Variants in KMT2D observed in about 807,000 individuals in gnomAD.
KMT2D encodes histone-lysine N-methyltransferase 2D.
KMT2D carries 55 observed loss-of-function variants against 512.7 expected under a neutral mutation model. That is an observed-to-expected ratio of 0.11 (90% CI 0.09 to 0.13). The LOEUF is 0.13. Ranked by LOEUF, KMT2D falls within the 10% of genes least tolerant of loss-of-function variation. The pLI is 1.00. For missense variants in KMT2D, 6,061 were observed against 7,127.9 expected, an observed-to-expected ratio of 0.85 and a Z score of 5.39; for synonymous variants, 2,995 against 2,904.0, an observed-to-expected ratio of 1.03 and a Z score of -1.01.
At chr12:49,028,753 T>C in intron 46 of KMT2D, 75 bp downstream of exon 46, 1 of 1,580,860 alleles carries the variant, frequency 6.3e-7, no homozygotes, top group Non-Finnish European at 8.6e-7. Flanking sequence ...ACTACATTTT[T>C]CCTTATCCAG....
rs2120490145 is a variant in KMT2D at position 49,038,078 on chromosome 12, G to A, written c.9278C>T (p.Pro3093Leu). 6.2e-7 allele frequency: 1 copy of A among 1,613,592 alleles called. No homozygotes were observed. Among genetic ancestry groups the A allele is most frequent in the Non-Finnish European group, 8.5e-7 (1 of 1,179,800 alleles). The change falls in exon 35 of 55, where the codon CCC (proline) becomes CTC (leucine). Residue 3093 changes from proline to leucine, a missense_variant. Physicochemically the swap from Pro to Leu is moderately conservative, Grantham distance 98. Around this residue, in one of 16 missense-constraint regions of KMT2D, gnomAD observed 533 missense variants for 539.6 expected, o/e 0.99. Transcript: ENST00000301067. This position sits in a 1 kb window ranked among gnomAD's most constrained non-coding sequence, Gnocchi z 5.7. ...GGGAGGGCGCTCCTCAGGGCCCAAG[G>A]GTCCTGGCTCCACCCCCCGCAGCAG... ...EALLRGVEPG[P>L]LGPEERPPPA...
At position 49,050,651 on chromosome 12, in the gene KMT2D, C is replaced by T. The variant is rs1937910716; in HGVS notation, c.2937G>A (p.Glu979=). The T allele has an allele frequency of 3.7e-6, 6 of 1,613,310 alleles. No individual in the cohort carries two copies. In the South Asian group the frequency reaches 6.6e-5, roughly 18 times the overall value. The stretch of plus-strand genomic sequence containing the variant: ...CTTCTGGTGGAGGGCTGATGGGTGT[C>T]TCCAGGATGGGGGCAGCCAACGGTG... ...PESPLAAPIL[E]TPISPPPEAN... Residue 979 remains glutamate, a synonymous_variant, in exon 12 of 55, where the codon GAG becomes GAA. Coordinates refer to ENST00000301067, the MANE Select transcript of KMT2D (RefSeq NM_003482.4).
In KMT2D at chr12:49,038,850, G is replaced by A. The variant is rs1346754879; in HGVS notation, c.8506C>T (p.Arg2836Cys). ...TCAGGTCCAGGAGTTGATGGAAAGC[G>A]AGCTGACATGGCAAATCGCATGGAG... is the stretch of plus-strand genomic sequence containing the variant. ...ATSMRFAMSA[R>C]FPSTPGPELG... The change falls in exon 35 of 55, where the codon CGC (arginine) becomes TGC (cysteine). Residue 2836 changes from arginine (R) to cysteine (C), a missense_variant. Physicochemically the swap from Arg to Cys is radical, Grantham distance 180. Transcript: ENST00000301067. This position sits in a 1 kb window ranked among gnomAD's most constrained non-coding sequence, Gnocchi z 5.7. 14 of 1,553,508 alleles carry A rather than the reference G, an allele frequency of 9.0e-6. No homozygotes were observed. Among genetic ancestry groups the A allele is most frequent in the South Asian group, 2.4e-5 (2 of 84,280 alleles).
chr12:49,043,208 C>T (rs2120565072), intron 25 of KMT2D, 22 bp from the exon 26 acceptor site: 1 of 1,607,364 alleles, frequency 6.2e-7, no homozygotes, highest in South Asian at 1.1e-5. Context: ...AGGAGAAACC[C>T]ATGGGTCAAG....
rs1210729756 is a variant in KMT2D, at chr12:49,049,682, C to T, written c.3906G>A (p.Gln1302=). 6.3e-7 allele frequency: 1 copy of T among 1,577,024 alleles called. No individual in the cohort carries two copies. The highest frequency in any genetic ancestry group is 1.7e-5 in the Admixed American group (1 of 57,920). Residue 1302 remains glutamine (Q), a splice_region_variant and synonymous_variant, in exon 12 of 55, where the codon CAG becomes CAA. Coordinates refer to ENST00000301067, the MANE Select transcript of KMT2D (RefSeq NM_003482.4). ...ATCCCGCAGCTAGATAGCCCCTCAC[C>T]TGTTTGATGCGGGAACGGGCTGGGG... The part of the protein sequence containing the change: ...RSSPARSRIK[Q]GRSSSFPGRR...
At position 49,049,237 on chromosome 12, in the gene KMT2D, C is replaced by A. The variant is rs1344909018; in HGVS notation, c.3907-19G>T. ...TGCGACCCTGAGTGAAAGAAGGGGA[C>A]AATGACAGGAGCATGTCAAGGGCTA... On this transcript the variant is annotated intron_variant, in intron 12 of 54. Transcript: ENST00000301067. 2.0e-6 allele frequency: 3 copies of A among 1,498,320 alleles called. No homozygotes were observed. Among genetic ancestry groups the A allele is most frequent in the Non-Finnish European group, 2.8e-6 (3 of 1,088,764 alleles). 92.8% of individuals were successfully genotyped at this position (1,498,320 alleles called of 1,614,324 possible). A position where few individuals can be genotyped will look rare whatever the true frequency, so the allele number is the denominator to read the frequency against.
chr12:49,030,176 C>G (rs940129564), intron 43 of KMT2D, 104 bp downstream of exon 43: 1 of 991,108 alleles, frequency 1.0e-6, no homozygotes, highest in Non-Finnish European at 1.5e-6. Context: ...TGTAAACACA[C>G]AGGACAGCAG....
rs3837452 is a variant in KMT2D at position 49,027,458 on chromosome 12, C to CT, written c.14644-137dup. On this transcript the variant is annotated intron_variant, in intron 48 of 54. Coordinates refer to ENST00000301067, the MANE Select transcript of KMT2D (RefSeq NM_003482.4). ...GACAGCCTCTTTTTTCTTTTCTTTT[C>CT]TTTTTTTTTTGAGACACAGTCTTGC... is the stretch of plus-strand genomic sequence containing the variant. 5,289 of 661,832 alleles carry CT rather than the reference C, an allele frequency of 8.0e-3. 3 individuals carry two copies. The highest frequency in any genetic ancestry group is 0.013 in the East Asian group (407 of 30,978). The allele number at this position is 661,832 out of a possible 1,614,324, so 41.0% of individuals were successfully genotyped here.
In KMT2D at chr12:49,053,613, C is replaced by T. The variant is rs1394584489; in HGVS notation, c.702G>A (p.Gly234=). 6.3e-7 allele frequency: 1 copy of T among 1,597,466 alleles called. No homozygotes were observed. Among genetic ancestry groups the T allele is most frequent in the Non-Finnish European group, 8.5e-7 (1 of 1,172,436 alleles). ...LEEARCAVCE[G]PGELCDLFFC... is the part of the protein sequence containing the mutation. ...AGAACAGGTCACACAACTCCCCTGG[C>T]CCCTCACACACTGCACAGCGAGCCT... Residue 234 remains glycine (G), a synonymous_variant, in exon 7 of 55, where the codon GGG becomes GGA. Coordinates refer to ENST00000301067, the MANE Select transcript of KMT2D (RefSeq NM_003482.4).
Position 49,044,206 on chromosome 12 carries a change from C to A in KMT2D, c.5182G>T (p.Asp1728Tyr). The A allele has an allele frequency of 3.7e-6, 6 of 1,611,484 alleles. No individual in the cohort carries two copies. The highest frequency in any genetic ancestry group is 5.1e-6 in the Non-Finnish European group (6 of 1,179,612). Residue 1728 changes from aspartate to tyrosine, a missense_variant, in exon 22 of 55, where the codon GAC becomes TAC. Around this residue, in one of 16 missense-constraint regions of KMT2D, gnomAD observed 640 missense variants for 814.3 expected, o/e 0.79. Coordinates refer to ENST00000301067, the MANE Select transcript of KMT2D (RefSeq NM_003482.4). The surrounding 1 kb of genome is among the most constrained non-coding windows in gnomAD (Gnocchi z 6.4). ...AEVLSGDGQP[D>Y]EVIPADLPAE... ...GTGCCCTCACCCGTCTCACCCTCGTCGGGCTGCCCATCCCCACTCAACACC... is the reference window on the plus strand; with the variant it reads ...GTGCCCTCACCCGTCTCACCCTCGTAGGGCTGCCCATCCCCACTCAACACC...
rs1022615471 is a variant in KMT2D, at chr12:49,021,715, C to T, written c.*65G>A. The T allele has an allele frequency of 3.7e-6, 5 of 1,345,772 alleles. No individual in the cohort carries two copies. Among genetic ancestry groups the T allele is most frequent in the Non-Finnish European group, 5.3e-6 (5 of 942,538 alleles). The allele number at this position is 1,345,772 out of a possible 1,614,324, so 83.4% of individuals were successfully genotyped here. Reference sequence around the variant, plus strand: ...GCTCTGGCTGCTACCTCTCTTCCCCCTCATCCCTTTCAGGGAAGAGGTTGT... The same window carrying T: ...GCTCTGGCTGCTACCTCTCTTCCCCTTCATCCCTTTCAGGGAAGAGGTTGT... On this transcript the variant is annotated 3_prime_UTR_variant, in exon 55 of 55. Transcript: ENST00000301067.
At chr12:49,035,608 G>A (rs939006730) in intron 35 of KMT2D, 2 of 152,172 alleles carry the variant, frequency 1.3e-5, no homozygotes, top group Non-Finnish European at 2.9e-5. Context: ...CACCCAGGCT[G>A]GAGTGCAATG....
Position 49,044,652 on chromosome 12 carries a change from T to C in KMT2D, c.4963+92A>G. On this transcript the variant is annotated intron_variant, in intron 20 of 54. Transcript: ENST00000301067. The surrounding 1 kb of genome is among the most constrained non-coding windows in gnomAD (Gnocchi z 6.4). ...TAGACGAGACAGCAGTGCTTAAGGG[T>C]AACTGAGTGGCAATGTAGCCCCCAC... The C allele has an allele frequency of 1.3e-6, 2 of 1,544,862 alleles. No homozygotes were observed. Among genetic ancestry groups the C allele is most frequent in the South Asian group, 1.2e-5 (1 of 85,058 alleles).
Position 49,024,293 on chromosome 12 carries a change from C to A in KMT2D, c.16052+285G>T, listed in dbSNP as rs143293560. Among the ~76,000 whole-genome samples the A allele has an allele frequency of 1.3e-5, 2 of 152,226 alleles. No homozygotes were observed. Among genetic ancestry groups the A allele is most frequent in the Non-Finnish European group, 2.9e-5 (2 of 68,020 alleles). On this transcript the variant is annotated intron_variant, in intron 51 of 54. Transcript: ENST00000301067. The surrounding 1 kb of genome is among the most constrained non-coding windows in gnomAD (Gnocchi z 4.5). ...GTAAAACAGGAGAAGAAAGAGGTGA[C>A]CAAGTCCCTTATATATTTCATAAAA...
rs759118686 is a variant in KMT2D at position 49,032,166 on chromosome 12, T to G, written c.12539A>C (p.Gln4180Pro). Residue 4180 changes from glutamine to proline, a missense_variant, in exon 40 of 55, where the codon CAG becomes CCG. Gln to Pro is a moderately conservative substitution (Grantham distance 76, BLOSUM62 -1). Transcript: ENST00000301067. The part of the protein sequence containing the change: ...PQPPKPGPVL[Q>P]SGQGLPGVGI... ...AACCCCAGGCAGACCCTGCCCAGACTGGAGGACAGGTCCTGGTTTGGGAGG... is the reference window on the plus strand; with the variant it reads ...AACCCCAGGCAGACCCTGCCCAGACGGGAGGACAGGTCCTGGTTTGGGAGG... 3.7e-6 allele frequency: 6 copies of G among 1,613,148 alleles called. No homozygotes were observed. The South Asian group carries it at 6.6e-5, about 18-fold the overall frequency.
Position 49,021,774 on chromosome 12 carries a change from A to G in KMT2D, c.*6T>C. 1 of 1,611,058 alleles carries G rather than the reference A, an allele frequency of 6.2e-7. No individual in the cohort carries two copies. The highest frequency in any genetic ancestry group is 8.5e-7 in the Non-Finnish European group (1 of 1,177,248). The stretch of plus-strand genomic sequence containing the variant: ...GGACTCCCCTGCCTGGTAGCCTCAA[A>G]GCTTCTTAGTTCATCCATTTCCGAC... On this transcript the variant is annotated 3_prime_UTR_variant, in exon 55 of 55. Coordinates refer to ENST00000301067, the MANE Select transcript of KMT2D (RefSeq NM_003482.4).
In KMT2D at chr12:49,042,743, T is replaced by C; in HGVS notation, c.5780A>G (p.Gln1927Arg). Residue 1927 changes from glutamine (Q) to arginine (R), a missense_variant and splice_region_variant, in exon 27 of 55, where the codon CAA (glutamine) becomes CGA (arginine). Gln to Arg is a conservative substitution (Grantham distance 43). Around this residue, in one of 16 missense-constraint regions of KMT2D, gnomAD observed 640 missense variants for 814.3 expected, o/e 0.79. Transcript: ENST00000301067. The surrounding 1 kb of genome is among the most constrained non-coding windows in gnomAD (Gnocchi z 4.4). ...CAGACCACTCCCACCTGTATTACCT[T>C]GAAGAAAGGGCCTCTGCAGTGGCGT... Reference protein sequence around the residue: ...SRTPLQRPFLQGGLPLGNLPS... With the variant: ...SRTPLQRPFLRGGLPLGNLPS... 6.2e-7 allele frequency: 1 copy of C among 1,613,208 alleles called. No homozygotes were observed. Among genetic ancestry groups the C allele is most frequent in the Non-Finnish European group, 8.5e-7 (1 of 1,179,442 alleles).
rs2120460269 is a variant in KMT2D at position 49,034,814 on chromosome 12, G to A, written c.10353C>T (p.Asn3451=). 6.2e-7 allele frequency: 1 copy of A among 1,613,948 alleles called. No individual in the cohort carries two copies. The change falls in exon 36 of 55, where the codon AAC becomes AAT. Residue 3451 remains asparagine, a splice_region_variant and synonymous_variant. Transcript: ENST00000301067. The stretch of plus-strand genomic sequence containing the variant: ...CCCATTCCAGCCCTGAGTCTTACCT[G>A]TTCATACCAGGTGCCACCCCAATGC... ...QGSIGVAPGM[N]RQQVSLLAQR...
intron 1 of KMT2D, among the ~76,000 whole-genome samples, chr12:49,059,089 G>C (rs1338393292): frequency 6.6e-6 from 1 of 152,148 alleles, no homozygotes; most frequent in Non-Finnish European, 1.5e-5. Flanking sequence ...CCTTTGCCCA[G>C]TGAAAGAAGG....
Sources: gnomAD v4.1 joint callset for allele counts (sites outside exome capture counted in the v4.1 genomes callset) on GRCh38, gnomAD v4.1.1 for gene constraint, gnomAD v4.1.1 regional missense constraint, Gnocchi (gnomAD v3.1) non-coding constraint, MANE v1.5 for transcripts, NCBI Gene and HGNC (gene_info 2026-07-23, HGNC 2026-07-21) for gene names.